The following ZFHX3 variants were observed in gnomAD, a reference collection of about 807,000 sequenced individuals.
ZFHX3 encodes zinc finger homeobox 3.
Under a neutral mutation model 279.1 loss-of-function variants are expected in ZFHX3, and 42 were observed. That is an observed-to-expected ratio of 0.15 (90% CI 0.12 to 0.19). The LOEUF (loss-of-function observed/expected upper bound fraction) is 0.19. Ranked by LOEUF, ZFHX3 falls within the 10% of genes least tolerant of loss-of-function variation. The probability of loss-of-function intolerance (pLI) is 1.00; values close to 1 mark genes in which losing one functional copy is unlikely to be tolerated. For synonymous variants in ZFHX3, 2,293 were observed against 1,957.8 expected (o/e 1.17, Z -4.52); for missense variants, 4,981 against 4,754.0 (o/e 1.05, Z -1.40).
chr16:73,279,416 T>A lies in ZFHX3; in HGVS notation c.-1193-22280A>T, dbSNP rs187585201. Among the ~76,000 whole-genome samples, 494 of 152,296 alleles carry A rather than the reference T, an allele frequency of 3.2e-3. 9 individuals are homozygous for A. Among genetic ancestry groups the A allele is most frequent in the Admixed American group, 0.029 (440 of 15,298 alleles). ...GATCTGAAAGTGACATACTATTTTA[T>A]GGCTATAAAGAAAAAAAGAATGAGC... On this transcript the variant is annotated intron_variant, in intron 4 of 17. Coordinates refer to the ZFHX3 transcript ENST00000641206.
At chr16:73,117,101 A>G (rs1304504258) in intron 7 of ZFHX3, among the ~76,000 whole-genome samples, 1 of 152,234 alleles carries the variant, frequency 6.6e-6, no homozygotes, top group Non-Finnish European at 1.5e-5. Context: ...TAGTGCTTCA[A>G]ACTCTAGGTA....
chr16:73,212,106 T>C (rs2012040101), intron 5 of ZFHX3, among the ~76,000 whole-genome samples: 1 of 152,014 alleles, frequency 6.6e-6, no homozygotes, highest in Admixed American at 6.6e-5. Context: ...TTAAAGAAGT[T>C]TCAAGTTATC....
chr16:73,204,292 T>C (rs1597218501), intron 5 of ZFHX3, among the ~76,000 whole-genome samples: 1 of 150,640 alleles, frequency 6.6e-6, no homozygotes, highest in Admixed American at 6.6e-5. Flanking sequence ...CTATTATTAT[T>C]ATATTCATTA....
At chr16:73,837,877 C>T (rs550144612) in intron 1 of ZFHX3, among the ~76,000 whole-genome samples, 1 of 152,264 alleles carries the variant, frequency 6.6e-6, no homozygotes, top group South Asian at 2.1e-4. Flanking sequence ...CTCAGGTGAT[C>T]CACCCACCTC....
At chr16:73,021,170 T>C (rs544654748) in intron 1 of ZFHX3, among the ~76,000 whole-genome samples, 3 of 152,268 alleles carry the variant, frequency 2.0e-5, no homozygotes, top group Non-Finnish European at 2.9e-5. Context: ...AGTAGACATA[T>C]AGTGGCTCAA....
At chr16:73,585,758 G>A (rs1423981787) in intron 2 of ZFHX3, among the ~76,000 whole-genome samples, 1 of 152,188 alleles carries the variant, frequency 6.6e-6, no homozygotes, top group Non-Finnish European at 1.5e-5. Flanking sequence ...ACAAATCATG[G>A]CAGGAGCAGT....
intron 3 of ZFHX3, among the ~76,000 whole-genome samples, chr16:73,319,808 A>C (rs951608635): frequency 1.3e-5 from 2 of 152,126 alleles, no homozygotes; most frequent in African/African-American, 4.8e-5. Context: ...TTAACAAAAG[A>C]AAGAGCCCAG....
At chr16:73,692,098 T>G (rs1261511437) in intron 1 of ZFHX3, among the ~76,000 whole-genome samples, 4 of 152,196 alleles carry the variant, frequency 2.6e-5, no homozygotes, top group Non-Finnish European at 5.9e-5. Flanking sequence ...AGGATTCTGG[T>G]GGTTTGAAAA....
chr16:73,674,448 A>G (rs1329179949), intron 2 of ZFHX3, among the ~76,000 whole-genome samples: 1 of 152,230 alleles, frequency 6.6e-6, no homozygotes, highest in Non-Finnish European at 1.5e-5. Flanking sequence ...GTAAGCTTAG[A>G]TTAAGTTTCA....
At chr16:73,884,484 A>G (rs984588100) in intron 1 of ZFHX3, among the ~76,000 whole-genome samples, 2 of 152,222 alleles carry the variant, frequency 1.3e-5, no homozygotes, top group African/African-American at 4.8e-5. Context: ...AGCTGTTAAC[A>G]AAAGAAACAT....
chr16:73,301,831 A>G (rs1298341267), intron 4 of ZFHX3, among the ~76,000 whole-genome samples: 2 of 150,436 alleles, frequency 1.3e-5, no homozygotes, highest in African/African-American at 4.9e-5. Flanking sequence ...CAGTGTGCAT[A>G]AGCCTTTCTT....
At chr16:73,824,000 T>C (rs368923875) in intron 1 of ZFHX3, among the ~76,000 whole-genome samples, 3 of 152,198 alleles carry the variant, frequency 2.0e-5, no homozygotes, top group African/African-American at 7.2e-5. Context: ...TCCAGGAAAG[T>C]TGATGGAACC....
At chr16:73,269,254 C>A (rs72797359) in intron 4 of ZFHX3, among the ~76,000 whole-genome samples, 4,225 of 152,168 alleles carry the variant, frequency 0.028, 75 homozygotes, top group Non-Finnish European at 0.044. Flanking sequence ...GGCACATCAC[C>A]ACCACCACCA....
At chr16:73,817,682 C>G (rs1194956682) in intron 1 of ZFHX3, among the ~76,000 whole-genome samples, 1 of 152,208 alleles carries the variant, frequency 6.6e-6, no homozygotes, top group Non-Finnish European at 1.5e-5. Flanking sequence ...CTCTCCTCCT[C>G]CCTGGAGACG....
At chr16:72,921,069 CAAAA>C (rs57294537) in intron 3 of ZFHX3, among the ~76,000 whole-genome samples, 3 of 23,572 alleles carry the variant, frequency 1.3e-4, no homozygotes, top group Admixed American at 7.6e-4. Context: ...CAGACCTTGT[CAAAA>C]AAAAAAAAAA....
chr16:73,166,976 A>G (rs536655861), intron 5 of ZFHX3, among the ~76,000 whole-genome samples: 1 of 152,278 alleles, frequency 6.6e-6, no homozygotes, highest in Non-Finnish European at 1.5e-5. Flanking sequence ...CCTCCTCATG[A>G]TTTCCCCGAA....
chr16:73,863,280 A>C (rs1482525031), intron 1 of ZFHX3, among the ~76,000 whole-genome samples: 2 of 152,200 alleles, frequency 1.3e-5, no homozygotes, highest in East Asian at 3.9e-4. Context: ...TTGAAAGTGA[A>C]GCTTTAATAG....
intron 3 of ZFHX3, among the ~76,000 whole-genome samples, chr16:73,435,065 A>ACTGGCTGGCTGG (rs752512316): frequency 2.6e-5 from 4 of 151,950 alleles, no homozygotes; most frequent in Non-Finnish European, 5.9e-5. Context: ...TATTGTTTGA[A>ACTGGCTGGCTGG]CTGGCTGGCT....
At chr16:73,365,004 C>G (rs2016506011) in intron 3 of ZFHX3, among the ~76,000 whole-genome samples, 1 of 152,178 alleles carries the variant, frequency 6.6e-6, no homozygotes, top group African/African-American at 2.4e-5. Flanking sequence ...TGCCATGTGC[C>G]CTTGGGGCAT....
Sources: gnomAD v4.1 joint callset for allele counts (sites outside exome capture counted in the v4.1 genomes callset) on GRCh38, gnomAD v4.1.1 for gene constraint, MANE v1.5 for transcripts, NCBI Gene and HGNC (gene_info 2026-07-23, HGNC 2026-07-21) for gene names.